Variants in RGS3 observed in about 807,000 individuals in gnomAD.
RGS3 encodes regulator of G protein signaling 3, also known as regulator of G-protein signalling 3.
A neutral mutation model predicts 132.6 loss-of-function variants in RGS3; 80 were observed. That is an observed-to-expected ratio of 0.60 (90% confidence interval 0.50 to 0.73). RGS3 has a LOEUF of 0.73. Ranked by LOEUF, RGS3 falls within the 30% of genes least tolerant of loss-of-function variation. The pLI, the probability that RGS3 is intolerant of heterozygous loss-of-function variation, is 0.00. For synonymous variants in RGS3, 598 were observed against 620.6 expected, an observed-to-expected ratio of 0.96 and a Z score of 0.54; for missense variants, 1,382 against 1,530.8, an observed-to-expected ratio of 0.90 and a Z score of 1.62.
At chr9:113,578,102 G>A (rs1268292472) in intron 19 of RGS3, among the ~76,000 whole-genome samples, 1 of 152,234 alleles carries the variant, frequency 6.6e-6, no homozygotes, top group Admixed American at 6.5e-5. Flanking sequence ...GATAGCGATT[G>A]TGGCCTGGGG....
At chr9:113,521,519 T>A (rs1177867815) in intron 16 of RGS3, among the ~76,000 whole-genome samples, 1 of 152,226 alleles carries the variant, frequency 6.6e-6, no homozygotes, top group Non-Finnish European at 1.5e-5. Flanking sequence ...ATGCTAGATA[T>A]TTTTGCACAT....
At chr9:113,513,106 GA>G (rs946192932) in intron 14 of RGS3, among the ~76,000 whole-genome samples, 21 of 152,218 alleles carry the variant, frequency 1.4e-4, no homozygotes, top group African/African-American at 4.3e-4. Context: ...TGAGGCAGGA[GA>G]ATCACTTGAA....
intron 19 of RGS3, among the ~76,000 whole-genome samples, chr9:113,558,062 C>T (rs767043289): frequency 6.6e-6 from 1 of 152,112 alleles, no homozygotes; most frequent in Non-Finnish European, 1.5e-5. Context: ...TTGGCCTCGG[C>T]CAGGGAGAGC....
chr9:113,564,619 TC>T (rs1833916643), intron 19 of RGS3, among the ~76,000 whole-genome samples: 1 of 152,198 alleles, frequency 6.6e-6, no homozygotes, highest in African/African-American at 2.4e-5. Flanking sequence ...TGGGGATGTC[TC>T]TGTCATTCAG....
Position 113,497,301 on chromosome 9 carries a change from T to G in RGS3, c.751-13T>G, listed in dbSNP as rs1830719017. 4.4e-6 allele frequency: 7 copies of G among 1,607,412 alleles called. 1 individual carries two copies. The South Asian group carries it at 7.7e-5, about 18-fold the overall frequency. Reference sequence around the variant, plus strand: ...TCCTGTGTCTGAGCGTGCCATTCCTTCTCTCGTGACAGGAGATCAGTGGTT... The same window carrying G: ...TCCTGTGTCTGAGCGTGCCATTCCTGCTCTCGTGACAGGAGATCAGTGGTT... On this transcript the variant is annotated splice_polypyrimidine_tract_variant and intron_variant, in intron 8 of 24. Transcript: ENST00000350696.
intron 17 of RGS3, among the ~76,000 whole-genome samples, chr9:113,526,699 A>T (rs1280589687): frequency 6.6e-6 from 1 of 152,168 alleles, no homozygotes; most frequent in African/African-American, 2.4e-5. Flanking sequence ...GACCTGGGCC[A>T]GGAAGCTATC....
At chr9:113,508,160 G>C (rs1194073468) in intron 13 of RGS3, among the ~76,000 whole-genome samples, 1 of 152,186 alleles carries the variant, frequency 6.6e-6, no homozygotes, top group Non-Finnish European at 1.5e-5. Context: ...CTGGCATCCT[G>C]TACTACAGCA....
At chr9:113,454,242 T>C (rs1432346323) in intron 1 of RGS3, among the ~76,000 whole-genome samples, 1 of 152,216 alleles carries the variant, frequency 6.6e-6, no homozygotes, top group African/African-American at 2.4e-5. Flanking sequence ...TTTTGCCTTT[T>C]TGGGTTCTAG....
At chr9:113,556,920 T>A (rs1172684358) in intron 19 of RGS3, among the ~76,000 whole-genome samples, 1 of 152,158 alleles carries the variant, frequency 6.6e-6, no homozygotes, top group Admixed American at 6.5e-5. Flanking sequence ...CATTGCTTCT[T>A]GTGGGTCTCC....
Position 113,473,251 on chromosome 9 carries a change from T to G in RGS3, c.416-6240T>G, listed in dbSNP as rs552025312. Among the ~76,000 whole-genome samples, 9 of 152,194 alleles carry G rather than the reference T, an allele frequency of 5.9e-5. No homozygotes were observed. In the South Asian group the frequency reaches 6.2e-4, roughly 11 times the overall value. On this transcript the variant is annotated intron_variant, in intron 3 of 24. Transcript: ENST00000350696. ...AGGCTTCACCTCTTGAAAGGAAGAG[T>G]ATCAAAGACTTTGTGGACAAATTTT...
chr9:113,587,867 G>C (rs1415483729), intron 20 of RGS3, among the ~76,000 whole-genome samples: 1 of 152,218 alleles, frequency 6.6e-6, no homozygotes, highest in East Asian at 1.9e-4. Flanking sequence ...GTGGCGCCCT[G>C]TGCTGAGTTG....
upstream of RGS3, among the ~76,000 whole-genome samples, chr9:113,458,736 T>C (rs1408424962): frequency 6.6e-6 from 1 of 152,136 alleles, no homozygotes; most frequent in Non-Finnish European, 1.5e-5. Flanking sequence ...ATAGATCTGC[T>C]CTATTGTATA....
chr9:113,508,878 C>G (rs762664919), intron 14 of RGS3, among the ~76,000 whole-genome samples: 2 of 152,128 alleles, frequency 1.3e-5, no homozygotes, highest in Non-Finnish European at 2.9e-5. Context: ...TACAGAGCAA[C>G]CGATATATAT....
chr9:113,538,805 G>T (rs1588219287), intron 19 of RGS3, among the ~76,000 whole-genome samples: 1 of 152,194 alleles, frequency 6.6e-6, no homozygotes, highest in East Asian at 1.9e-4. Context: ...GGATGAAGGA[G>T]GGGGCCCAAG....
In RGS3 at chr9:113,463,621, G is replaced by A. The variant is rs1303985692; in HGVS notation, c.415+1420G>A. 1 of 1,212,712 alleles carries A rather than the reference G, an allele frequency of 8.2e-7. No individual in the cohort carries two copies. The highest frequency in any genetic ancestry group is 1.9e-5 in the South Asian group (1 of 53,918). 75.1% of individuals were successfully genotyped at this position (1,212,712 alleles called of 1,614,324 possible). On this transcript the variant is annotated intron_variant, in intron 3 of 24. Coordinates refer to ENST00000350696, the Ensembl canonical transcript of RGS3. This position sits in a 1 kb window ranked among gnomAD's most constrained non-coding sequence, Gnocchi z 4.6. ...CCGGCCCAGCTCTGCTCCGGCAGGTGGAACTCTCCCCATTCAAACCCGCGC... is the reference window on the plus strand; with the variant it reads ...CCGGCCCAGCTCTGCTCCGGCAGGTAGAACTCTCCCCATTCAAACCCGCGC...
Position 113,483,107 on chromosome 9 carries a change from CG to C in RGS3, c.516del (p.Tyr173MetfsTer2). On this transcript the variant is annotated frameshift_variant, in exon 5 of 25. Transcript: ENST00000350696. LOFTEE classifies it high-confidence loss of function. ...AGCAAACAGCCTGGCACCTGTGATC[CG>C]TATGTGAAGGTATGTGGTGGGGCCG... The C allele has an allele frequency of 6.2e-7, 1 of 1,610,366 alleles. No homozygotes were observed. The highest frequency in any genetic ancestry group is 2.2e-5 in the East Asian group (1 of 44,868).
intron 14 of RGS3, among the ~76,000 whole-genome samples, chr9:113,510,568 C>A (rs1254876677): frequency 1.3e-5 from 2 of 152,152 alleles, no homozygotes; most frequent in Non-Finnish European, 2.9e-5. Context: ...GGAGTGGGCC[C>A]ATGCACACAG....
At chr9:113,484,292 C>G in intron 6 of RGS3, 60 bp downstream of exon 4, 2 of 585,598 alleles carry the variant, frequency 3.4e-6, no homozygotes, top group Non-Finnish European at 5.9e-6. Flanking sequence ...TATCTGGAAA[C>G]AGCTCTGTTT....
At chr9:113,448,564 C>T (rs991899061) in intron 1 of RGS3, among the ~76,000 whole-genome samples, 1 of 152,218 alleles carries the variant, frequency 6.6e-6, no homozygotes, top group East Asian at 1.9e-4. Flanking sequence ...TGAAGTTCTC[C>T]TCTTTCACTT....
Sources: gnomAD v4.1 joint callset for allele counts (sites outside exome capture counted in the v4.1 genomes callset) on GRCh38, gnomAD v4.1.1 for gene constraint, Gnocchi (gnomAD v3.1) non-coding constraint, MANE v1.5 for transcripts, NCBI Gene and HGNC (gene_info 2026-07-23, HGNC 2026-07-21) for gene names.